The following PTBP3 variants were observed in gnomAD, a reference collection of about 807,000 sequenced individuals.
PTBP3 encodes polypyrimidine tract binding protein 3.
Under a neutral mutation model 58.7 loss-of-function variants are expected in PTBP3, and 20 were observed. The ratio of observed to expected loss-of-function variants is 0.34; its 90% CI spans 0.24 to 0.50. The LOEUF is 0.50. PTBP3 is among the 20% of genes least tolerant of loss of function. The pLI is 0.98. For synonymous variants in PTBP3, 185 were observed against 219.8 expected (o/e 0.84, Z 1.40); for missense variants, 509 against 637.2 (o/e 0.80, Z 2.17).
the PTBP3 span, among the ~76,000 whole-genome samples, chr9:112,356,273 C>T: frequency 2.6e-5 from 4 of 152,236 alleles, no homozygotes; most frequent in Middle Eastern, 3.4e-3. Context: ...GCCACAGTAC[C>T]GGACTGGAAA....
In PTBP3 at chr9:112,272,215, G is replaced by A. The variant is rs115372780; in HGVS notation, c.204+3629C>T. Among the ~76,000 whole-genome samples the A allele has an allele frequency of 1.3e-3, 200 of 151,838 alleles. 1 individual carries two copies. The highest frequency in any genetic ancestry group is 4.5e-3 in the African/African-American group (187 of 41,420). On this transcript the variant is annotated intron_variant, in intron 3 of 13. Coordinates refer to ENST00000374257, the MANE Select transcript of PTBP3 (RefSeq NM_001163788.4). The stretch of plus-strand genomic sequence containing the variant: ...GTGGCTGGGACTACAGGTGGGTGCC[G>A]CCACACTTGGCTAATTTTTTACAAT...
upstream of PTBP3, among the ~76,000 whole-genome samples, chr9:112,338,421 A>G (rs766134135): frequency 2.0e-5 from 3 of 152,168 alleles, no homozygotes; most frequent in Non-Finnish European, 2.9e-5. Flanking sequence ...ATTGGGGGAA[A>G]CTGGTTGAAG....
chr9:112,228,514 G>T, intron 10 of PTBP3, 42 bp from the exon 11 acceptor site: 1 of 1,353,474 alleles, frequency 7.4e-7, no homozygotes, highest in Non-Finnish European at 1.0e-6. Flanking sequence ...ACGTCTGATT[G>T]TGTTGTGTTT....
intron 2 of PTBP3, among the ~76,000 whole-genome samples, chr9:112,293,699 T>C (rs571793530): frequency 6.6e-6 from 1 of 152,314 alleles, no homozygotes; most frequent in South Asian, 2.1e-4. Flanking sequence ...CTCTCACCCT[T>C]AGTGTGTAAG....
intron 7 of PTBP3, among the ~76,000 whole-genome samples, chr9:112,238,818 C>T (rs1835533416): frequency 6.6e-6 from 1 of 152,026 alleles, no homozygotes; most frequent in African/African-American, 2.4e-5. Context: ...GCAAAAATAA[C>T]TCTTAAAATT....
intron 11 of PTBP3, 143 bp downstream of exon 11, chr9:112,228,237 C>G (rs1474758082): frequency 1.7e-6 from 1 of 573,900 alleles, no homozygotes; most frequent in African/African-American, 1.9e-5. Flanking sequence ...AACATATAGA[C>G]AGATGCAAAT....
intron 2 of PTBP3, among the ~76,000 whole-genome samples, chr9:112,287,675 T>C (rs1170059094): frequency 1.3e-5 from 2 of 152,176 alleles, no homozygotes; most frequent in East Asian, 3.8e-4. Context: ...TCAGTTTCTT[T>C]TGCTATCTTC....
chr9:112,284,379 A>G, intron 2 of PTBP3, among the ~76,000 whole-genome samples: 1 of 152,202 alleles, frequency 6.6e-6, no homozygotes, highest in East Asian at 1.9e-4. Flanking sequence ...GTGGAGTCAA[A>G]GGAGATTATT....
chr9:112,341,001 T>G, the PTBP3 span, among the ~76,000 whole-genome samples: 1 of 152,228 alleles, frequency 6.6e-6, no homozygotes, highest in Non-Finnish European at 1.5e-5. Context: ...TGTTCCTCTT[T>G]AAAAGTGTAA....
chr9:112,269,225 C>T (rs567435244), intron 3 of PTBP3, among the ~76,000 whole-genome samples: 1 of 142,738 alleles, frequency 7.0e-6, no homozygotes, highest in African/African-American at 2.6e-5. Context: ...AAAATTGATG[C>T]TAAAAGGCTA....
intron 2 of PTBP3, among the ~76,000 whole-genome samples, chr9:112,277,695 A>C (rs1378972789): frequency 2.0e-5 from 3 of 151,600 alleles, no homozygotes; most frequent in Non-Finnish European, 4.4e-5. Flanking sequence ...CATCTCTACC[A>C]AAAAAAACCA....
At chr9:112,332,922 C>G in intron 1 of PTBP3, 1 of 1,551,212 alleles carries the variant, frequency 6.4e-7, no homozygotes, top group Non-Finnish European at 8.7e-7. Flanking sequence ...TCGGCCAAGT[C>G]CCGCGGCGGC....
the PTBP3 span, among the ~76,000 whole-genome samples, chr9:112,364,526 G>A: frequency 2.6e-5 from 4 of 152,196 alleles, no homozygotes; most frequent in East Asian, 1.9e-4. Context: ...CCAGCTACTC[G>A]TGAGGCTGAG....
chr9:112,244,309 T>TAAAAAAAAAAAAAAAAA (rs1835790060), intron 7 of PTBP3, among the ~76,000 whole-genome samples: 1 of 44,376 alleles, frequency 2.3e-5, no homozygotes, highest in Non-Finnish European at 4.6e-5. Flanking sequence ...AAAAAAAAAG[T>TAAAAAAAAAAAAAAAAA]TCTCAGGAAT....
In PTBP3 at chr9:112,325,880, C is replaced by T. The variant is rs140560062; in HGVS notation, c.-52+7590G>A. Among the ~76,000 whole-genome samples, 31 of 152,128 alleles carry T rather than the reference C, an allele frequency of 2.0e-4. No homozygotes were observed. In the East Asian group the frequency reaches 4.9e-3, roughly 24 times the overall value. On this transcript the variant is annotated intron_variant, in intron 1 of 13. Coordinates refer to ENST00000374257, the MANE Select transcript of PTBP3 (RefSeq NM_001163788.4). ...AAAAAACACAAAAATTAGCCCGGAG[C>T]GGTGGAGCGCACCTGTAGTACCAGC...
At chr9:112,330,625 G>T in intron 1 of PTBP3, 1 of 564,658 alleles carries the variant, frequency 1.8e-6, no homozygotes, top group Non-Finnish European at 3.1e-6. Context: ...TTAATACAAA[G>T]AAAAATGATG....
intron 3 of PTBP3, among the ~76,000 whole-genome samples, chr9:112,269,115 T>A (rs1827254297): frequency 6.6e-6 from 1 of 150,408 alleles, no homozygotes; most frequent in African/African-American, 2.5e-5. Flanking sequence ...GAGAATCACT[T>A]GAACCCAGGA....
intron 3 of PTBP3, among the ~76,000 whole-genome samples, chr9:112,269,077 A>G (rs1167349504): frequency 6.6e-6 from 1 of 151,848 alleles, no homozygotes; most frequent in African/African-American, 2.4e-5. Flanking sequence ...GGTGCCTGTA[A>G]TCCCAGCTAC....
chr9:112,282,178 A>T (rs1827898904), intron 2 of PTBP3, among the ~76,000 whole-genome samples: 1 of 152,208 alleles, frequency 6.6e-6, no homozygotes, highest in South Asian at 2.1e-4. Flanking sequence ...TCAACATACC[A>T]ATTCTGGGAG....
Sources: gnomAD v4.1 joint callset for allele counts (sites outside exome capture counted in the v4.1 genomes callset) on GRCh38, gnomAD v4.1.1 for gene constraint, MANE v1.5 for transcripts, NCBI Gene and HGNC (gene_info 2026-07-23, HGNC 2026-07-21) for gene names.